GABRG2: variants seen among roughly 807,000 people sequenced by gnomAD.
The protein encoded by GABRG2 is gamma-aminobutyric acid receptor subunit gamma-2.
A neutral mutation model predicts 56.4 loss-of-function variants in GABRG2; 16 were observed. The observed-to-expected ratio is 0.28, with a 90% CI of 0.19 to 0.43. The LOEUF is 0.43. GABRG2 is among the 20% of genes least tolerant of loss of function. The pLI is 1.00. For missense variants in GABRG2, 327 were observed against 582.7 expected (o/e 0.56, Z 4.52); for synonymous variants, 208 against 205.5 (o/e 1.01, Z -0.10).
chr5:162,142,346 C>T, intron 7 of GABRG2, 30 bp downstream of exon 7: 1 of 1,611,540 alleles, frequency 6.2e-7, no homozygotes, highest in Non-Finnish European at 8.5e-7. Context: ...GTTGCAGTTT[C>T]TCAAGATAAG....
At chr5:162,126,330 A>C (rs1235721888) in intron 6 of GABRG2, among the ~76,000 whole-genome samples, 1 of 151,976 alleles carries the variant, frequency 6.6e-6, no homozygotes, top group East Asian at 1.9e-4. Flanking sequence ...GATGTTTATC[A>C]CAGTGTGCAA....
intron 6 of GABRG2, among the ~76,000 whole-genome samples, chr5:162,111,216 G>A (rs1303088962): frequency 2.0e-5 from 3 of 152,130 alleles, no homozygotes; most frequent in African/African-American, 7.2e-5. Context: ...TTTTAATTTA[G>A]AGGAAGCAGT....
chr5:162,067,980 GA>G lies in GABRG2; in HGVS notation c.-18del. The G allele has an allele frequency of 6.6e-7, 1 of 1,524,964 alleles. No homozygotes were observed. Among genetic ancestry groups the G allele is most frequent in the Non-Finnish European group, 9.1e-7 (1 of 1,102,632 alleles). 94.5% of individuals were successfully genotyped at this position (1,524,964 alleles called of 1,614,324 possible). On this transcript the variant is annotated 5_prime_UTR_variant, in exon 1 of 10. Transcript: ENST00000639213. ...TGCAACCAAGAGGCAAGAGGCGAGA[GA>G]AGGAAAAAAAAAAAAGCGATGAGTT...
At chr5:162,083,693 G>T (rs1759836456) in intron 1 of GABRG2, 1 of 154,506 alleles carries the variant, frequency 6.5e-6, no homozygotes, top group East Asian at 1.9e-4. Flanking sequence ...TCAGGTATTT[G>T]TCTCCTTAAA....
intron 6 of GABRG2, among the ~76,000 whole-genome samples, chr5:162,130,730 C>T (rs1763682086): frequency 2.0e-5 from 3 of 151,790 alleles, no homozygotes. Context: ...TTGCAGGTAA[C>T]CTTGGTTTGT....
intron 1 of GABRG2, among the ~76,000 whole-genome samples, chr5:162,084,930 C>T (rs1431453524): frequency 2.0e-5 from 3 of 151,546 alleles, no homozygotes; most frequent in East Asian, 3.9e-4. Context: ...AGTCCAATAA[C>T]AAGTATAGTG....
chr5:162,072,561 C>T (rs531285288), intron 1 of GABRG2, among the ~76,000 whole-genome samples: 5 of 152,022 alleles, frequency 3.3e-5, no homozygotes, highest in Non-Finnish European at 5.9e-5. Flanking sequence ...GAAGACAATG[C>T]GTCTTTCTGC....
chr5:162,101,144 T>C, intron 4 of GABRG2, 91 bp from the exon 5 acceptor site: 1 of 884,208 alleles, frequency 1.1e-6, no homozygotes, highest in Non-Finnish European at 1.8e-6. Context: ...TGTGAGATAT[T>C]CTCTAGAAAA....
chr5:162,118,965 C>A (rs192990880), intron 6 of GABRG2, among the ~76,000 whole-genome samples: 1 of 152,010 alleles, frequency 6.6e-6, no homozygotes, highest in East Asian at 1.9e-4. Flanking sequence ...TGCACTTTAA[C>A]GTAAAGTGAA....
rs548216871 is a variant in GABRG2, at chr5:162,142,493, C to T, written c.922+177C>T. The stretch of plus-strand genomic sequence containing the variant: ...AATTCACAATAGCAAAGACTTGGAA[C>T]CAACCCAAATGTCCATCAATGATAG... On this transcript the variant is annotated intron_variant, in intron 7 of 9. Transcript: ENST00000639213. 3.1e-5 allele frequency: 20 copies of T among 653,028 alleles called. No homozygotes were observed. The South Asian group carries it at 3.1e-4, about 10-fold the overall frequency. 40.5% of individuals were successfully genotyped at this position (653,028 alleles called of 1,614,324 possible). A position where few individuals can be genotyped will look rare whatever the true frequency, so the allele number is the denominator to read the frequency against.
chr5:162,130,002 T>C (rs1763620448), intron 6 of GABRG2, among the ~76,000 whole-genome samples: 1 of 151,996 alleles, frequency 6.6e-6, no homozygotes, highest in African/African-American at 2.4e-5. Context: ...CTAGGTCTGC[T>C]GACTTTGAAT....
chr5:162,117,949 C>A (rs555921896), intron 6 of GABRG2, among the ~76,000 whole-genome samples: 5 of 152,046 alleles, frequency 3.3e-5, no homozygotes, highest in Non-Finnish European at 7.4e-5. Context: ...ATGAAAGACA[C>A]CGTGTTACGC....
intron 8 of GABRG2, chr5:162,151,202 G>T (rs1765348562): frequency 6.5e-6 from 1 of 155,012 alleles, no homozygotes; most frequent in Admixed American, 6.5e-5. Context: ...AGAAAAGGCA[G>T]AGGAGAACAG....
intron 6 of GABRG2, among the ~76,000 whole-genome samples, chr5:162,122,701 A>T (rs1052565837): frequency 2.0e-5 from 3 of 151,780 alleles, no homozygotes; most frequent in East Asian, 3.9e-4. Flanking sequence ...TTTCACAAAG[A>T]TATCTCTAGA....
intron 6 of GABRG2, among the ~76,000 whole-genome samples, chr5:162,126,817 T>C (rs905043233): frequency 6.6e-6 from 1 of 152,006 alleles, no homozygotes; most frequent in Non-Finnish European, 1.5e-5. Flanking sequence ...TGTATGTCCT[T>C]GAAGTCTCTC....
chr5:162,117,495 G>C (rs996704084), intron 6 of GABRG2, among the ~76,000 whole-genome samples: 3 of 151,982 alleles, frequency 2.0e-5, no homozygotes, highest in African/African-American at 7.2e-5. Flanking sequence ...GGAAGATATT[G>C]TCAAAAAGAG....
intron 6 of GABRG2, among the ~76,000 whole-genome samples, chr5:162,132,216 G>C (rs574096736): frequency 1.3e-5 from 2 of 148,310 alleles, no homozygotes; most frequent in African/African-American, 2.4e-5. Flanking sequence ...ACACGAACTT[G>C]GTTCTTACTA....
At chr5:162,115,627 G>A (rs1373358421) in intron 6 of GABRG2, among the ~76,000 whole-genome samples, 2 of 152,164 alleles carry the variant, frequency 1.3e-5, no homozygotes, top group South Asian at 4.1e-4. Flanking sequence ...ATGGGGTGAA[G>A]GTAGGACAGT....
intron 2 of GABRG2, among the ~76,000 whole-genome samples, chr5:162,095,155 A>C (rs1432705764): frequency 2.0e-5 from 3 of 152,174 alleles, no homozygotes; most frequent in Non-Finnish European, 4.4e-5. Context: ...TCAATTTCAG[A>C]GCTTGAAGGA....
Sources: allele counts gnomAD v4.1 joint callset (sites outside exome capture counted in the v4.1 genomes callset), GRCh38; gene constraint gnomAD v4.1.1; transcripts MANE v1.5; gene names NCBI Gene and HGNC (gene_info 2026-07-23, HGNC 2026-07-21).